The following SGMS1 variants were observed in gnomAD, a reference collection of about 807,000 sequenced individuals.
The protein encoded by SGMS1 is sphingomyelin synthase 1, also known as phosphatidylcholine:ceramide cholinephosphotransferase 1.
In SGMS1, 13 loss-of-function variants were observed where a neutral mutation model predicts 46.2. That is an observed-to-expected ratio of 0.28 (90% CI 0.18 to 0.45). The LOEUF is 0.45. Ranked by LOEUF, SGMS1 falls within the 20% of genes least tolerant of loss-of-function variation. SGMS1 has a pLI of 1.00. For synonymous variants in SGMS1, 203 were observed against 187.8 expected (o/e 1.08, Z -0.66); for missense variants, 324 against 519.9 (o/e 0.62, Z 3.66).
chr10:50,461,751 C>T (rs946784813), intron 4 of SGMS1, among the ~76,000 whole-genome samples: 1 of 152,162 alleles, frequency 6.6e-6, no homozygotes, highest in East Asian at 1.9e-4. Context: ...AGCCAACTAA[C>T]AGGCTTAATT....
intron 1 of SGMS1, among the ~76,000 whole-genome samples, chr10:50,601,721 G>A (rs1588889432): frequency 6.6e-6 from 1 of 152,154 alleles, no homozygotes; most frequent in Non-Finnish European, 1.5e-5. Flanking sequence ...AGTACAGGTT[G>A]GATACCCTCT....
chr10:50,588,871 T>C (rs1239724249), intron 2 of SGMS1, among the ~76,000 whole-genome samples: 1 of 151,816 alleles, frequency 6.6e-6, no homozygotes, highest in Non-Finnish European at 1.5e-5. Flanking sequence ...CTGGGATTAC[T>C]GGCACATGTC....
intron 2 of SGMS1, among the ~76,000 whole-genome samples, chr10:50,558,701 C>T (rs1250697699): frequency 6.6e-6 from 1 of 152,140 alleles, no homozygotes; most frequent in Non-Finnish European, 1.5e-5. Flanking sequence ...AAACTTTCCT[C>T]CTCCTCCTCC....
At chr10:50,430,881 T>C (rs1359944824) in intron 6 of SGMS1, among the ~76,000 whole-genome samples, 4 of 152,138 alleles carry the variant, frequency 2.6e-5, no homozygotes, top group Non-Finnish European at 4.4e-5. Flanking sequence ...CCCAAGTATC[T>C]AGTAAACATA....
chr10:50,624,463 A>C, upstream of SGMS1: 1 of 493,462 alleles, frequency 2.0e-6, no homozygotes. Flanking sequence ...TCAAACCTCT[A>C]ACCATAGACT....
chr10:50,411,150 A>G (rs1292072664), intron 6 of SGMS1, among the ~76,000 whole-genome samples: 2 of 152,216 alleles, frequency 1.3e-5, no homozygotes, highest in Non-Finnish European at 2.9e-5. Flanking sequence ...AAAGCTTTGG[A>G]ATTTCAAGGA....
chr10:50,471,144 G>C (rs1837375257), intron 3 of SGMS1, among the ~76,000 whole-genome samples: 2 of 152,176 alleles, frequency 1.3e-5, no homozygotes, highest in Non-Finnish European at 2.9e-5. Flanking sequence ...ACTGGTAAAA[G>C]ACTGGAAACT....
chr10:50,586,603 T>A (rs1016206933), intron 2 of SGMS1, among the ~76,000 whole-genome samples: 1 of 152,170 alleles, frequency 6.6e-6, no homozygotes, highest in Non-Finnish European at 1.5e-5. Context: ...GAGAAAGTAA[T>A]AATGGCAGAG....
intron 2 of SGMS1, among the ~76,000 whole-genome samples, chr10:50,553,031 G>T (rs913326448): frequency 3.9e-5 from 6 of 152,210 alleles, no homozygotes; most frequent in African/African-American, 1.2e-4. Context: ...CCTTGATTAA[G>T]TCACCACATT....
At chr10:50,337,596 A>G (rs1377706745) in intron 7 of SGMS1, among the ~76,000 whole-genome samples, 1 of 152,214 alleles carries the variant, frequency 6.6e-6, no homozygotes, top group East Asian at 1.9e-4. Context: ...AAGTAGTTTG[A>G]TTCAATCAAC....
At chr10:50,407,414 A>G (rs549044944) in intron 6 of SGMS1, among the ~76,000 whole-genome samples, 27 of 152,252 alleles carry the variant, frequency 1.8e-4, no homozygotes, top group African/African-American at 6.0e-4. Context: ...TCTGTATAAG[A>G]ATTCTGTCTG....
intron 8 of SGMS1, among the ~76,000 whole-genome samples, chr10:50,326,211 G>A (rs766466700): frequency 6.6e-5 from 10 of 151,990 alleles, no homozygotes; most frequent in Non-Finnish European, 1.3e-4. Context: ...TAAGAAATGA[G>A]CTATCTCTGT....
intron 2 of SGMS1, among the ~76,000 whole-genome samples, chr10:50,558,211 G>T (rs796625423): frequency 3.1e-4 from 47 of 152,286 alleles, no homozygotes; most frequent in African/African-American, 1.1e-3. Flanking sequence ...TGAACCCTAG[G>T]ACTTCTGAGT....
chr10:50,343,605 C>T lies in SGMS1; in HGVS notation c.510G>A (p.Pro170=), dbSNP rs373698574. The T allele has an allele frequency of 4.6e-5, 74 of 1,613,864 alleles. No homozygotes were observed. Among genetic ancestry groups the T allele is most frequent in the Non-Finnish European group, 6.1e-5 (72 of 1,180,004 alleles). ...GGTTAAAATGGTCAAAAAATGTGTC[C>T]GGTAGTGGAGGCTGCACCTCCTTAG... ...VPPKEVQPPL[P]DTFFDHFNRV... The change falls in exon 7 of 11, where the codon CCG becomes CCA. Residue 170 remains proline (P), a synonymous_variant. Transcript: ENST00000361781.
At chr10:50,539,562 A>G (rs1353037063) in intron 2 of SGMS1, among the ~76,000 whole-genome samples, 1 of 152,230 alleles carries the variant, frequency 6.6e-6, no homozygotes, top group Non-Finnish European at 1.5e-5. Context: ...TATTTAAAGT[A>G]CAAAGTGATC....
chr10:50,423,609 A>G (rs1201981205), intron 6 of SGMS1, among the ~76,000 whole-genome samples: 1 of 151,806 alleles, frequency 6.6e-6, no homozygotes, highest in African/African-American at 2.4e-5. Context: ...TCAAAAGTCA[A>G]TGAACTCTTC....
intron 6 of SGMS1, among the ~76,000 whole-genome samples, chr10:50,403,051 A>G (rs778174120): frequency 2.0e-5 from 3 of 152,240 alleles, no homozygotes; most frequent in Non-Finnish European, 4.4e-5. Context: ...TGCCAAAGAC[A>G]TTATGTTGTA....
chr10:50,523,155 T>C (rs1242750193), intron 2 of SGMS1, among the ~76,000 whole-genome samples: 3 of 152,178 alleles, frequency 2.0e-5, no homozygotes, highest in Non-Finnish European at 4.4e-5. Flanking sequence ...GCCTCATAGA[T>C]AGTAGTCCTT....
intron 2 of SGMS1, among the ~76,000 whole-genome samples, chr10:50,542,592 A>G (rs1298141971): frequency 1.3e-5 from 2 of 151,526 alleles, no homozygotes; most frequent in Non-Finnish European, 2.9e-5. Flanking sequence ...AACTACCATA[A>G]AGAAAAGTGT....
Sources: allele counts gnomAD v4.1 joint callset (sites outside exome capture counted in the v4.1 genomes callset), GRCh38; gene constraint gnomAD v4.1.1; transcripts MANE v1.5; gene names NCBI Gene and HGNC (gene_info 2026-07-23, HGNC 2026-07-21).